USP32: variants seen among roughly 807,000 people sequenced by gnomAD.
USP32 encodes the protein ubiquitin carboxyl-terminal hydrolase 32.
In USP32, 59 loss-of-function variants were observed where a neutral mutation model predicts 204.8. The ratio of observed to expected loss-of-function variants is 0.29; its 90% CI spans 0.23 to 0.36. USP32 has a LOEUF of 0.36. Among genes scored for constraint, USP32 ranks in the 10% least tolerant of loss-of-function variants. USP32 has a pLI of 1.00. For missense variants in USP32, 1,160 were observed against 1,946.4 expected (o/e 0.60, Z 7.60); for synonymous variants, 517 against 678.4 (o/e 0.76, Z 3.70).
intron 1 of USP32, among the ~76,000 whole-genome samples, chr17:60,358,800 A>C (rs1359964652): frequency 1.3e-5 from 2 of 152,206 alleles, no homozygotes; most frequent in East Asian, 3.8e-4. Context: ...TTGATATTAC[A>C]TCATGGGGCA....
intron 1 of USP32, among the ~76,000 whole-genome samples, chr17:60,376,817 G>C (rs1278751995): frequency 1.3e-5 from 2 of 151,844 alleles, no homozygotes; most frequent in East Asian, 3.9e-4. Context: ...CACCACACCT[G>C]GTAAGAATGT....
chr17:60,195,619 T>C (rs2084494195), intron 27 of USP32, among the ~76,000 whole-genome samples: 1 of 152,246 alleles, frequency 6.6e-6, no homozygotes, highest in South Asian at 2.1e-4. Flanking sequence ...ATTACAGGCA[T>C]GAGCCACTGC....
chr17:60,209,018 T>C (rs968087618), intron 22 of USP32, among the ~76,000 whole-genome samples, 190 bp from the exon 23 acceptor site: 3 of 152,156 alleles, frequency 2.0e-5, no homozygotes, highest in South Asian at 2.1e-4. Flanking sequence ...AAGGTAACAA[T>C]GGTAAATATT....
At chr17:60,223,769 T>C (rs1183907641) in intron 13 of USP32, among the ~76,000 whole-genome samples, 183 bp from the exon 14 acceptor site, 2 of 152,166 alleles carry the variant, frequency 1.3e-5, no homozygotes, top group Non-Finnish European at 2.9e-5. Context: ...CATGGCATGG[T>C]ACTAAAAATA....
intron 1 of USP32, among the ~76,000 whole-genome samples, chr17:60,403,184 G>C (rs1382853572): frequency 6.6e-6 from 1 of 152,186 alleles, no homozygotes; most frequent in East Asian, 1.9e-4. Context: ...GCTAATTTTT[G>C]TATTTTTAGT....
intron 4 of USP32, 68 bp from the exon 5 acceptor site, chr17:60,288,750 C>T: frequency 1.4e-6 from 2 of 1,410,368 alleles, no homozygotes; most frequent in Non-Finnish European, 1.9e-6. Context: ...ACCTGCACAA[C>T]CTGAAATTTG....
intron 9 of USP32, among the ~76,000 whole-genome samples, chr17:60,258,678 A>T (rs2086377796): frequency 6.6e-6 from 1 of 152,232 alleles, no homozygotes; most frequent in Admixed American, 6.5e-5. Context: ...ATTTAATGCA[A>T]GAGAACACTT....
chr17:60,185,885 G>A (rs1238854937), intron 29 of USP32: 2 of 429,088 alleles, frequency 4.7e-6, no homozygotes, highest in Admixed American at 7.0e-5. Context: ...AAAAGAGTGA[G>A]ACCCTGTCTC....
At chr17:60,304,737 T>C (rs1236385483) in intron 2 of USP32, among the ~76,000 whole-genome samples, 1 of 152,226 alleles carries the variant, frequency 6.6e-6, no homozygotes, top group Non-Finnish European at 1.5e-5. Flanking sequence ...AATTCACATG[T>C]GGTATATCTC....
intron 1 of USP32, among the ~76,000 whole-genome samples, chr17:60,378,630 A>G (rs1004577199): frequency 6.6e-6 from 1 of 152,208 alleles, no homozygotes; most frequent in Non-Finnish European, 1.5e-5. Context: ...AAATTCTGCT[A>G]TGTACTACAA....
intron 16 of USP32, 53 bp from the exon 17 acceptor site, chr17:60,214,827 C>A: frequency 1.9e-6 from 3 of 1,613,402 alleles, no homozygotes; most frequent in South Asian, 1.1e-5. Context: ...AAAAGAAGCA[C>A]CCCTCTCAGC....
At chr17:60,257,340 G>C (rs1010051820) in intron 9 of USP32, among the ~76,000 whole-genome samples, 10 of 152,148 alleles carry the variant, frequency 6.6e-5, no homozygotes, top group Admixed American at 5.2e-4. Context: ...GTGCCAATTG[G>C]GGGGAGTCAG....
At chr17:60,235,031 C>T (rs192885671) in intron 12 of USP32, among the ~76,000 whole-genome samples, 1 of 152,138 alleles carries the variant, frequency 6.6e-6, no homozygotes, top group African/African-American at 2.4e-5. Flanking sequence ...TGGTAGGCAA[C>T]AATAAACCAG....
chr17:60,382,629 A>C (rs1216958347), intron 1 of USP32, among the ~76,000 whole-genome samples: 3 of 152,232 alleles, frequency 2.0e-5, no homozygotes, highest in African/African-American at 7.2e-5. Flanking sequence ...GAACCAAGAG[A>C]GAGCTCTGTG....
intron 12 of USP32, among the ~76,000 whole-genome samples, chr17:60,231,828 T>C (rs2145614964): frequency 6.6e-6 from 1 of 152,266 alleles, no homozygotes; most frequent in East Asian, 1.9e-4. Context: ...TTTTAGGAGA[T>C]TACACATAGA....
rs181492778 is a variant in USP32, at chr17:60,363,329, C to T, written c.59-17721G>A. ...AATTAGCTGGGCGTAGCGGCGTGCA[C>T]CTGTAGTCCCAACTACTCAGGAGGC... On this transcript the variant is annotated intron_variant, in intron 1 of 33. Coordinates refer to ENST00000300896, the MANE Select transcript of USP32 (RefSeq NM_032582.4). Among the ~76,000 whole-genome samples, 21 of 151,466 alleles carry T rather than the reference C, an allele frequency of 1.4e-4. No homozygotes were observed. The East Asian group carries it at 3.9e-3, about 28-fold the overall frequency.
chr17:60,197,603 G>C (rs962627531), intron 27 of USP32, among the ~76,000 whole-genome samples: 1 of 151,898 alleles, frequency 6.6e-6, no homozygotes, highest in Non-Finnish European at 1.5e-5. Flanking sequence ...AAACTCTGCT[G>C]TAAAGGGAAA....
chr17:60,415,768 T>C (rs970951089), intron 1 of USP32, among the ~76,000 whole-genome samples: 1 of 152,192 alleles, frequency 6.6e-6, no homozygotes, highest in African/African-American at 2.4e-5. Flanking sequence ...CAATTCTAAT[T>C]GGATAATTTG....
At chr17:60,324,763 G>A (rs2088192344) in intron 2 of USP32, among the ~76,000 whole-genome samples, 4 of 152,144 alleles carry the variant, frequency 2.6e-5, no homozygotes, top group Non-Finnish European at 5.9e-5. Flanking sequence ...AGCATTTTGG[G>A]AGGCTGAGGC....
Sources: allele counts gnomAD v4.1 joint callset (sites outside exome capture counted in the v4.1 genomes callset), GRCh38; gene constraint gnomAD v4.1.1; transcripts MANE v1.5; gene names NCBI Gene and HGNC (gene_info 2026-07-23, HGNC 2026-07-21).